TRAPPC9: variants seen among roughly 807,000 people sequenced by gnomAD.
TRAPPC9 encodes the protein IKK2 binding protein.
In TRAPPC9, 83 loss-of-function variants were observed where a neutral mutation model predicts 124.0. The ratio of observed to expected loss-of-function variants is 0.67; its 90% CI spans 0.56 to 0.80. The LOEUF is 0.80. Ranked by LOEUF, TRAPPC9 falls within the 30% of genes least tolerant of loss-of-function variation. The pLI is 0.00. For synonymous variants in TRAPPC9, 638 were observed against 617.5 expected (o/e 1.03, Z -0.49); for missense variants, 1,302 against 1,508.3 (o/e 0.86, Z 2.27).
At chr8:140,301,386 C>T in intron 10 of TRAPPC9, among the ~76,000 whole-genome samples, 1 of 152,234 alleles carries the variant, frequency 6.6e-6, no homozygotes, top group South Asian at 2.1e-4. Flanking sequence ...TTAAACATCA[C>T]AAACACCTTC....
intron 21 of TRAPPC9, among the ~76,000 whole-genome samples, chr8:139,826,958 T>C (rs897738882): frequency 6.6e-6 from 1 of 152,136 alleles, no homozygotes; most frequent in Non-Finnish European, 1.5e-5. Context: ...TTAGGGAATA[T>C]ACGTGTGATC....
chr8:140,458,161 A>C, upstream of TRAPPC9: 2 of 1,507,120 alleles, frequency 1.3e-6, no homozygotes, highest in Non-Finnish European at 1.8e-6. Context: ...AGGGAGATGG[A>C]GGGAGATGGA....
At chr8:140,444,245 T>TAGTAA (rs904150661) in intron 2 of TRAPPC9, among the ~76,000 whole-genome samples, 2 of 150,292 alleles carry the variant, frequency 1.3e-5, no homozygotes, top group Non-Finnish European at 3.0e-5. Context: ...GCTTCCTCAA[T>TAGTAA]AGTAACTACA....
chr8:140,404,415 T>C (rs1377181293), intron 6 of TRAPPC9, among the ~76,000 whole-genome samples: 2 of 152,150 alleles, frequency 1.3e-5, no homozygotes, highest in Non-Finnish European at 2.9e-5. Flanking sequence ...TTTCATCTTG[T>C]TCTAGGTGCT....
chr8:140,246,223 C>T (rs2063984018), intron 16 of TRAPPC9, among the ~76,000 whole-genome samples: 1 of 152,212 alleles, frequency 6.6e-6, no homozygotes, highest in East Asian at 1.9e-4. Context: ...AACACAACCT[C>T]AATGCTCTCT....
At position 140,289,174 on chromosome 8, in the gene TRAPPC9, AGTG is replaced by A. The variant is rs1412079185; in HGVS notation, c.1855-1443_1855-1441del. Among the ~76,000 whole-genome samples, 471 of 148,410 alleles carry A rather than the reference AGTG, an allele frequency of 3.2e-3. 6 individuals carry two copies. The highest frequency in any genetic ancestry group is 0.011 in the African/African-American group (445 of 40,236). On this transcript the variant is annotated intron_variant, in intron 12 of 22. Coordinates refer to ENST00000438773, the MANE Select transcript of TRAPPC9 (RefSeq NM_001160372.4). ...GGCATATGGGTTTAGATATATATAT[AGTG>A]TGTGTGTGTGTGTGTGTGTGTGTGT... is the stretch of plus-strand genomic sequence containing the variant.
At chr8:140,238,464 A>ACC (rs1409409032) in intron 16 of TRAPPC9, 1 of 152,158 alleles carries the variant, frequency 6.6e-6, no homozygotes, top group Non-Finnish European at 1.5e-5. Context: ...GAGCAGGCTG[A>ACC]CCTTTCCCTC....
chr8:140,078,790 T>A (rs1377578947), intron 17 of TRAPPC9, among the ~76,000 whole-genome samples: 2 of 151,866 alleles, frequency 1.3e-5, no homozygotes, highest in East Asian at 3.9e-4. Context: ...GTCAGCCACC[T>A]CCCCTCCCTG....
chr8:140,397,013 T>C (rs1036902480), intron 7 of TRAPPC9, among the ~76,000 whole-genome samples: 1 of 152,216 alleles, frequency 6.6e-6, no homozygotes, highest in Non-Finnish European at 1.5e-5. Context: ...CTCATACTCG[T>C]CTGGTGTCCT....
intron 21 of TRAPPC9, among the ~76,000 whole-genome samples, chr8:139,815,210 G>A (rs58746205): frequency 6.6e-6 from 1 of 152,022 alleles, no homozygotes; most frequent in Non-Finnish European, 1.5e-5. Context: ...TCAGTCCGGA[G>A]AAGCTCCCAT....
intron 12 of TRAPPC9, among the ~76,000 whole-genome samples, 194 bp from the exon 13 acceptor site, chr8:140,287,928 G>A (rs1342922487): frequency 6.6e-6 from 1 of 152,206 alleles, no homozygotes; most frequent in African/African-American, 2.4e-5. Context: ...CACTGCAGGT[G>A]CTCAGGCGAT....
At chr8:140,303,485 T>C (rs1337989787) in intron 10 of TRAPPC9, among the ~76,000 whole-genome samples, 1 of 152,160 alleles carries the variant, frequency 6.6e-6, no homozygotes, top group Non-Finnish European at 1.5e-5. Context: ...ATTCCATAGA[T>C]AAGGAAAAAA....
intron 21 of TRAPPC9, among the ~76,000 whole-genome samples, chr8:139,749,495 T>C (rs888920916): frequency 2.0e-5 from 3 of 152,168 alleles, no homozygotes; most frequent in Admixed American, 1.3e-4. Flanking sequence ...CTGGGCGCCA[T>C]GTCCAGAACT....
intron 21 of TRAPPC9, among the ~76,000 whole-genome samples, chr8:139,864,520 G>A (rs189884238): frequency 2.2e-4 from 34 of 152,264 alleles, no homozygotes; most frequent in African/African-American, 7.2e-4. Flanking sequence ...CATAGGCCTC[G>A]TCCTGTGGAT....
intron 17 of TRAPPC9, among the ~76,000 whole-genome samples, chr8:140,125,587 C>CTTTTTTTTTTTTTTTTTTTTT (rs11292333): frequency 2.9e-5 from 2 of 67,814 alleles, no homozygotes; most frequent in African/African-American, 6.2e-5. Context: ...GAATCTCATT[C>CTTTTTTTTTTTTTTTTTTTTT]TTTTTTTTTT....
intron 17 of TRAPPC9, among the ~76,000 whole-genome samples, chr8:140,120,816 C>G (rs1269348613): frequency 3.3e-5 from 5 of 151,450 alleles, no homozygotes; most frequent in African/African-American, 1.2e-4. Context: ...ATTCATCCAT[C>G]TAACATCCAT....
chr8:140,267,464 C>T (rs150080506), intron 15 of TRAPPC9, among the ~76,000 whole-genome samples: 4 of 152,350 alleles, frequency 2.6e-5, no homozygotes, highest in Middle Eastern at 3.4e-3. Context: ...TACGTAAGCA[C>T]TCACTATGCG....
At chr8:140,236,083 T>C (rs1264740996) in intron 16 of TRAPPC9, among the ~76,000 whole-genome samples, 1 of 133,594 alleles carries the variant, frequency 7.5e-6, no homozygotes, top group African/African-American at 2.8e-5. Context: ...TATTTCCTTT[T>C]TTTTTTTTTT....
chr8:140,121,100 T>C (rs187728725), intron 17 of TRAPPC9, among the ~76,000 whole-genome samples: 3 of 152,364 alleles, frequency 2.0e-5, no homozygotes, highest in Admixed American at 6.5e-5. Context: ...CTCTAAGAGC[T>C]CTCTATCAAC....
Sources: allele counts gnomAD v4.1 joint callset (sites outside exome capture counted in the v4.1 genomes callset), GRCh38; gene constraint gnomAD v4.1.1; transcripts MANE v1.5; gene names NCBI Gene and HGNC (gene_info 2026-07-23, HGNC 2026-07-21).